Variants in RAD51B observed in about 807,000 individuals in gnomAD.
The protein encoded by RAD51B is DNA repair protein RAD51 homolog 2.
In RAD51B, 38 loss-of-function variants were observed where a neutral mutation model predicts 42.2. The observed-to-expected ratio is 0.90, with a 90% confidence interval of 0.70 to 1.18. RAD51B has a LOEUF of 1.18. Ranked by LOEUF, RAD51B falls within the 50% of genes most tolerant of loss-of-function variation. The probability of loss-of-function intolerance (pLI) is 0.00; values close to 1 mark genes in which losing one functional copy is unlikely to be tolerated. For missense variants in RAD51B, 373 were observed against 400.7 expected (o/e 0.93, Z 0.59); for synonymous variants, 154 against 145.2 (o/e 1.06, Z -0.43).
At chr14:68,325,610 C>A (rs1404801337) in intron 8 of RAD51B, among the ~76,000 whole-genome samples, 1 of 150,270 alleles carries the variant, frequency 6.7e-6, no homozygotes, top group East Asian at 1.9e-4. Context: ...TCCATTTCCC[C>A]TTTTTCTGTC....
intron 7 of RAD51B, among the ~76,000 whole-genome samples, chr14:67,942,856 A>G (rs2045256674): frequency 6.6e-6 from 1 of 152,180 alleles, no homozygotes; most frequent in Non-Finnish European, 1.5e-5. Flanking sequence ...TTTAAATGTC[A>G]GCAGTAGTAT....
chr14:67,987,570 C>T (rs2075215967), intron 7 of RAD51B, among the ~76,000 whole-genome samples: 1 of 151,992 alleles, frequency 6.6e-6, no homozygotes, highest in Non-Finnish European at 1.5e-5. Flanking sequence ...TTGGTAGCTT[C>T]AAGAACTCTT....
intron 7 of RAD51B, among the ~76,000 whole-genome samples, chr14:68,144,298 A>G (rs1480031617): frequency 6.6e-6 from 1 of 152,172 alleles, no homozygotes; most frequent in Non-Finnish European, 1.5e-5. Context: ...TTGTCTGCAT[A>G]TGTCTCATAT....
At chr14:68,143,517 A>G (rs1291410664) in intron 7 of RAD51B, among the ~76,000 whole-genome samples, 2 of 152,256 alleles carry the variant, frequency 1.3e-5, no homozygotes, top group African/African-American at 4.8e-5. Flanking sequence ...CCCGGCTGCC[A>G]TGAGAAATGC....
chr14:68,462,702 T>TG (rs1422439144), intron 9 of RAD51B, among the ~76,000 whole-genome samples: 1 of 152,156 alleles, frequency 6.6e-6, no homozygotes, highest in Non-Finnish European at 1.5e-5. Context: ...AAAATATGGG[T>TG]GACCACTTTC....
intron 8 of RAD51B, among the ~76,000 whole-genome samples, chr14:68,353,892 G>A (rs182076866): frequency 3.3e-5 from 5 of 152,166 alleles, no homozygotes; most frequent in South Asian, 2.1e-4. Context: ...GGCCTTCCAC[G>A]TGGTGGAACT....
At chr14:68,452,660 C>T (rs1365350023) in intron 9 of RAD51B, among the ~76,000 whole-genome samples, 2 of 151,672 alleles carry the variant, frequency 1.3e-5, no homozygotes, top group African/African-American at 2.4e-5. Context: ...AAGTTACTAA[C>T]TTTTCTGCAA....
intron 8 of RAD51B, among the ~76,000 whole-genome samples, chr14:68,392,080 T>C (rs1042736524): frequency 4.6e-5 from 7 of 152,214 alleles, no homozygotes; most frequent in African/African-American, 1.2e-4. Flanking sequence ...CTCAGGTTTA[T>C]CTGGCTCAAG....
At chr14:68,501,248 C>T (rs997185764) in intron 10 of RAD51B, among the ~76,000 whole-genome samples, 1 of 152,218 alleles carries the variant, frequency 6.6e-6, no homozygotes, top group Non-Finnish European at 1.5e-5. Context: ...CCCCCTCTGG[C>T]CTCCTCCCAG....
intron 5 of RAD51B, among the ~76,000 whole-genome samples, chr14:67,868,815 A>T (rs572584700): frequency 6.6e-6 from 1 of 152,416 alleles, no homozygotes; most frequent in East Asian, 1.9e-4. Flanking sequence ...GGCATCCCTC[A>T]GCAGGGGCAG....
intron 7 of RAD51B, among the ~76,000 whole-genome samples, chr14:67,963,607 C>A (rs1186059572): frequency 6.6e-6 from 1 of 151,984 alleles, no homozygotes; most frequent in Non-Finnish European, 1.5e-5. Context: ...TAATATATTT[C>A]TTCTTTCATT....
rs554791990 is a variant in RAD51B, at chr14:67,907,397, C to T, written c.756+20193C>T. On this transcript the variant is annotated intron_variant, in intron 7 of 10. Transcript: ENST00000471583. ...TAATATTTTGTTATAAAATATAGTA[C>T]CTTAAAACAACAATTATAATTTATT... is the stretch of plus-strand genomic sequence containing the variant. 1.7e-3 allele frequency among the ~76,000 whole-genome samples: 256 copies of T among 152,010 alleles called. 1 individual carries two copies. Among genetic ancestry groups the T allele is most frequent in the African/African-American group, 6.0e-3 (247 of 41,378 alleles).
At chr14:68,494,344 AGTTCTTCG>A (rs1398122027) in intron 10 of RAD51B, among the ~76,000 whole-genome samples, 1 of 151,730 alleles carries the variant, frequency 6.6e-6, no homozygotes, top group Admixed American at 6.6e-5. Flanking sequence ...GGGTGGGGGT[AGTTCTTCG>A]GTTTTGTGAC....
At chr14:67,846,226 T>G (rs757391450) in intron 4 of RAD51B, among the ~76,000 whole-genome samples, 1 of 152,098 alleles carries the variant, frequency 6.6e-6, no homozygotes, top group Non-Finnish European at 1.5e-5. Flanking sequence ...GTGGTGGTGT[T>G]GGCGCATGGG....
At chr14:67,968,551 A>G (rs551818177) in intron 7 of RAD51B, among the ~76,000 whole-genome samples, 1 of 152,266 alleles carries the variant, frequency 6.6e-6, no homozygotes, top group African/African-American at 2.4e-5. Flanking sequence ...AAGTTCCACA[A>G]ATCTCAAGGG....
At chr14:68,027,100 G>A (rs919746671) in intron 7 of RAD51B, among the ~76,000 whole-genome samples, 2 of 152,096 alleles carry the variant, frequency 1.3e-5, no homozygotes, top group Non-Finnish European at 2.9e-5. Flanking sequence ...AGTTTATGAA[G>A]CTTAGTTTGG....
At chr14:68,594,753 C>T in exon 11 of RAD51B, 1 of 1,264,366 alleles carries the variant, frequency 7.9e-7, no homozygotes, top group Non-Finnish European at 1.0e-6. Flanking sequence ...TTAGCAATCT[C>T]ATCCAATGGC....
intron 7 of RAD51B, among the ~76,000 whole-genome samples, chr14:67,999,772 A>C (rs551261207): frequency 1.3e-5 from 2 of 152,318 alleles, no homozygotes; most frequent in East Asian, 3.9e-4. Context: ...AGGAGCAGTT[A>C]ATTTTTATTA....
At chr14:68,330,522 T>G (rs2082327291) in intron 8 of RAD51B, among the ~76,000 whole-genome samples, 1 of 152,206 alleles carries the variant, frequency 6.6e-6, no homozygotes, top group Non-Finnish European at 1.5e-5. Context: ...AGATTGAGGA[T>G]GTACTTATCA....
Sources: allele counts gnomAD v4.1 joint callset (sites outside exome capture counted in the v4.1 genomes callset), GRCh38; gene constraint gnomAD v4.1.1; transcripts MANE v1.5; gene names NCBI Gene and HGNC (gene_info 2026-07-23, HGNC 2026-07-21).